TMEM117: variants seen among roughly 807,000 people sequenced by gnomAD.
TMEM117 encodes the protein transmembrane protein 117.
Under a neutral mutation model 52.4 loss-of-function variants are expected in TMEM117, and 27 were observed. The ratio of observed to expected loss-of-function variants is 0.51; its 90% CI spans 0.38 to 0.71. The LOEUF (loss-of-function observed/expected upper bound fraction) is 0.71. Among genes scored for constraint, TMEM117 ranks in the 30% least tolerant of loss-of-function variants. The pLI, the probability that TMEM117 is intolerant of heterozygous loss-of-function variation, is 0.00. For missense variants in TMEM117, 556 were observed against 630.5 expected, an observed-to-expected ratio of 0.88 and a Z score of 1.26; for synonymous variants, 215 against 206.3, an observed-to-expected ratio of 1.04 and a Z score of -0.36.
intron 4 of TMEM117, among the ~76,000 whole-genome samples, chr12:44,195,404 A>G (rs1949405451): frequency 6.6e-6 from 1 of 152,172 alleles, no homozygotes; most frequent in Admixed American, 6.5e-5. Flanking sequence ...TCATATGAGT[A>G]AATTAGTACC....
the TMEM117 span, among the ~76,000 whole-genome samples, chr12:43,824,098 TA>T: frequency 6.6e-6 from 1 of 152,210 alleles, no homozygotes; most frequent in African/African-American, 2.4e-5. Flanking sequence ...GTGATGTAAT[TA>T]AACAAAAGAG....
At chr12:44,384,457 A>G (rs1253736343) in intron 7 of TMEM117, among the ~76,000 whole-genome samples, 1 of 152,050 alleles carries the variant, frequency 6.6e-6, no homozygotes, top group Non-Finnish European at 1.5e-5. Context: ...GGGGAGAGGT[A>G]GGGACACGAT....
intron 5 of TMEM117, among the ~76,000 whole-genome samples, chr12:44,266,377 A>G (rs1482938740): frequency 6.6e-6 from 1 of 152,144 alleles, no homozygotes; most frequent in Admixed American, 6.6e-5. Flanking sequence ...TAATGACTAT[A>G]CTGAGCATCT....
chr12:44,083,388 A>C (rs1293867661), intron 3 of TMEM117, among the ~76,000 whole-genome samples: 4 of 99,028 alleles, frequency 4.0e-5, no homozygotes, highest in East Asian at 6.3e-4. Flanking sequence ...GGGTATTGTT[A>C]GTTTTTTTTT....
At chr12:44,130,140 A>G (rs891414818) in intron 3 of TMEM117, among the ~76,000 whole-genome samples, 42 of 152,164 alleles carry the variant, frequency 2.8e-4, no homozygotes, top group African/African-American at 1.0e-3. Context: ...TTGTTATACT[A>G]ATTGGTTCTT....
chr12:44,392,533 A>G (rs1386942614), downstream of TMEM117, among the ~76,000 whole-genome samples: 1 of 151,864 alleles, frequency 6.6e-6, no homozygotes, highest in Non-Finnish European at 1.5e-5. Flanking sequence ...TTTTTTTATT[A>G]TTATTATACT....
intron 7 of TMEM117, among the ~76,000 whole-genome samples, chr12:44,379,718 A>T (rs370410014): frequency 2.0e-5 from 3 of 152,290 alleles, no homozygotes; most frequent in Admixed American, 6.5e-5. Context: ...TACATGCTGC[A>T]TTTCAATATT....
chr12:44,157,040 TAA>T (rs991698235), intron 4 of TMEM117, among the ~76,000 whole-genome samples: 15 of 152,234 alleles, frequency 9.9e-5, no homozygotes, highest in Admixed American at 9.2e-4. Flanking sequence ...AGATAATATT[TAA>T]GTTTTCCTCT....
At chr12:43,961,340 G>A (rs959252796) in intron 3 of TMEM117, among the ~76,000 whole-genome samples, 6 of 152,006 alleles carry the variant, frequency 3.9e-5, no homozygotes, top group Admixed American at 2.6e-4. Context: ...ATATTATTAC[G>A]TTATCATGCA....
At chr12:44,392,838 G>A (rs1952167592), downstream of TMEM117, among the ~76,000 whole-genome samples, 1 of 152,044 alleles carries the variant, frequency 6.6e-6, no homozygotes, top group African/African-American at 2.4e-5. Context: ...AGACCTGGGA[G>A]GGGAGAAGTG....
At chr12:43,920,749 G>A (rs1213654213) in intron 2 of TMEM117, among the ~76,000 whole-genome samples, 2 of 151,978 alleles carry the variant, frequency 1.3e-5, no homozygotes, top group Non-Finnish European at 2.9e-5. Context: ...TATTTCAGTA[G>A]CATTTTAAAA....
intron 4 of TMEM117, among the ~76,000 whole-genome samples, chr12:44,168,737 AT>A (rs1949004358): frequency 6.6e-6 from 1 of 152,170 alleles, no homozygotes; most frequent in South Asian, 2.1e-4. Context: ...CATTTTAAAC[AT>A]TTTTAAGTGT....
intron 4 of TMEM117, among the ~76,000 whole-genome samples, chr12:44,179,120 G>A (rs1487220600): frequency 6.6e-6 from 1 of 152,048 alleles, no homozygotes; most frequent in Non-Finnish European, 1.5e-5. Flanking sequence ...CTTGAACCCG[G>A]GAGGTGGAGT....
chr12:44,136,496 G>T (rs1049739335), intron 3 of TMEM117, among the ~76,000 whole-genome samples: 1 of 151,904 alleles, frequency 6.6e-6, no homozygotes, highest in Non-Finnish European at 1.5e-5. Context: ...TTTATATTTT[G>T]ACTTTAAAAG....
intron 2 of TMEM117, among the ~76,000 whole-genome samples, chr12:43,913,872 G>A (rs1944556510): frequency 6.6e-6 from 1 of 152,110 alleles, no homozygotes; most frequent in African/African-American, 2.4e-5. Context: ...GAGAATAGAA[G>A]TATTACACGT....
chr12:44,317,503 T>G (rs1287660490), intron 6 of TMEM117, among the ~76,000 whole-genome samples: 3 of 152,074 alleles, frequency 2.0e-5, no homozygotes, highest in Non-Finnish European at 4.4e-5. Context: ...CAAGCAATCC[T>G]CCTGCCTCAG....
chr12:44,152,451 A>T (rs1041118879), intron 4 of TMEM117, among the ~76,000 whole-genome samples: 2,849 of 115,178 alleles, frequency 0.025, 68 homozygotes, highest in Admixed American at 0.033. Context: ...ATATAATATA[A>T]AAATTTTTAT....
chr12:44,100,259 T>C (rs1324085049), intron 3 of TMEM117, among the ~76,000 whole-genome samples: 3 of 152,000 alleles, frequency 2.0e-5, no homozygotes, highest in Non-Finnish European at 4.4e-5. Flanking sequence ...TCTACTAATA[T>C]GTGGGATAAG....
At chr12:43,831,512 C>CG (rs1270510994), upstream of TMEM117, among the ~76,000 whole-genome samples, 2 of 148,658 alleles carry the variant, frequency 1.3e-5, no homozygotes, top group Admixed American at 1.3e-4. Context: ...GTGAGGTGAA[C>CG]GGAAAAACAT....
Sources: allele counts gnomAD v4.1 joint callset (sites outside exome capture counted in the v4.1 genomes callset), GRCh38; gene constraint gnomAD v4.1.1; transcripts MANE v1.5; gene names NCBI Gene and HGNC (gene_info 2026-07-23, HGNC 2026-07-21).